Variants in HTR3B observed in about 807,000 individuals in gnomAD.
The protein encoded by HTR3B is 5-hydroxytryptamine (serotonin) receptor 3B, ionotropic.
Under a neutral mutation model 42.8 loss-of-function variants are expected in HTR3B, and 44 were observed. The ratio of observed to expected loss-of-function variants is 1.03; its 90% CI spans 0.81 to 1.32. HTR3B has a LOEUF of 1.32. HTR3B is among the 40% of genes most tolerant of loss of function. The pLI, the probability that HTR3B is intolerant of heterozygous loss-of-function variation, is 0.00. For missense variants in HTR3B, 527 were observed against 536.5 expected, an observed-to-expected ratio of 0.98 and a Z score of 0.17; for synonymous variants, 203 against 209.0, an observed-to-expected ratio of 0.97 and a Z score of 0.25.
intron 3 of HTR3B, 25 bp downstream of exon 3, chr11:113,931,453 A>G (rs1301740386): frequency 7.0e-7 from 1 of 1,422,178 alleles, no homozygotes. Flanking sequence ...TTTCTTCTAA[A>G]TATATTGCAC....
chr11:113,936,791 G>T (rs554476416), intron 6 of HTR3B, among the ~76,000 whole-genome samples: 1 of 152,282 alleles, frequency 6.6e-6, no homozygotes, highest in South Asian at 2.1e-4. Context: ...CGGAGTCTAG[G>T]CGTCAAAATT....
chr11:113,905,666 A>G (rs1257668347), intron 1 of HTR3B, among the ~76,000 whole-genome samples: 1 of 152,206 alleles, frequency 6.6e-6, no homozygotes, highest in Non-Finnish European at 1.5e-5. Context: ...TTAGGATACA[A>G]TTGATTCTTA....
At chr11:113,925,982 C>T (rs920123015) in intron 2 of HTR3B, among the ~76,000 whole-genome samples, 1 of 152,074 alleles carries the variant, frequency 6.6e-6, no homozygotes, top group Non-Finnish European at 1.5e-5. Flanking sequence ...ACATTTTTAT[C>T]ACCTCAAAAA....
intron 2 of HTR3B, among the ~76,000 whole-genome samples, chr11:113,914,293 C>T (rs1409219441): frequency 2.0e-5 from 3 of 151,342 alleles, no homozygotes; most frequent in Admixed American, 6.6e-5. Context: ...GGAGAAACCC[C>T]GTCTCTACTA....
At position 113,931,413 on chromosome 11, in the gene HTR3B, T is replaced by A. The variant is rs1426957498; in HGVS notation, c.243T>A (p.Ser81Arg). 2.5e-6 allele frequency: 4 copies of A among 1,599,198 alleles called. No homozygotes were observed. The highest frequency in any genetic ancestry group is 3.4e-6 in the Non-Finnish European group (4 of 1,170,852). ...VDAENQILKT[S>R]VWYQEVWNDE... ...CAGAGAATCAAATATTAAAGACAAG[T>A]GTATGGTACCAAGAGGTAAATAATT... The change falls in exon 3 of 9, where the codon AGT becomes AGA. Residue 81 changes from serine (S) to arginine (R), a missense_variant. Coordinates refer to ENST00000260191, the MANE Select transcript of HTR3B (RefSeq NM_006028.5).
intron 2 of HTR3B, among the ~76,000 whole-genome samples, chr11:113,927,552 A>G (rs1029129346): frequency 1.3e-5 from 2 of 151,634 alleles, no homozygotes; most frequent in Non-Finnish European, 2.9e-5. Context: ...GTTTTAGAGT[A>G]TATGTTTTTT....
rs898987546 is a variant in HTR3B, at chr11:113,909,539, T to C, written c.213+84T>C. Reference sequence around the variant, plus strand: ...TCATGCAGGAGCCTATGAGAGGTTATATTCTTGAGATTGTAGTTGAACTGG... The same window carrying C: ...TCATGCAGGAGCCTATGAGAGGTTACATTCTTGAGATTGTAGTTGAACTGG... On this transcript the variant is annotated intron_variant, in intron 2 of 8. Transcript: ENST00000260191. 66 of 1,124,644 alleles carry C rather than the reference T, an allele frequency of 5.9e-5. No homozygotes were observed. In the African/African-American group the frequency reaches 9.2e-4, roughly 16 times the overall value. 69.7% of individuals were successfully genotyped at this position (1,124,644 alleles called of 1,614,324 possible).
In HTR3B at chr11:113,942,510, G is replaced by A. The variant is rs1256949887; in HGVS notation, c.697-472G>A. ...TATTGCATAATAAGTGGTTTCAGAA[G>A]GAAGATTTTAGTTTCAAAACAGTTT... On this transcript the variant is annotated intron_variant, in intron 6 of 8. Coordinates refer to ENST00000260191, the MANE Select transcript of HTR3B (RefSeq NM_006028.5). Among the ~76,000 whole-genome samples, 4 of 152,294 alleles carry A rather than the reference G, an allele frequency of 2.6e-5. No homozygotes were observed. In the East Asian group the frequency reaches 7.7e-4, roughly 29 times the overall value.
chr11:113,932,157 G>T, intron 4 of HTR3B, 132 bp from the exon 5 acceptor site: 1 of 738,028 alleles, frequency 1.4e-6, no homozygotes. Context: ...TCATCTCATG[G>T]AAAATGCGAT....
intron 2 of HTR3B, among the ~76,000 whole-genome samples, chr11:113,919,463 C>G (rs1212843388): frequency 2.0e-5 from 3 of 152,132 alleles, no homozygotes; most frequent in Admixed American, 2.0e-4. Context: ...ACCAGTGAAT[C>G]AGAGTCTTTG....
chr11:113,946,969 C>CAG lies in HTR3B; in HGVS notation c.*835_*836dup, dbSNP rs1451580008. Reference sequence around the variant, plus strand: ...CATGGTCAACCTGGTACCAACCAACCAGAGCATAAAATTCCTGCCATATCC... The same window carrying CAG: ...CATGGTCAACCTGGTACCAACCAACCAGAGAGCATAAAATTCCTGCCATATCC... On this transcript the variant is annotated 3_prime_UTR_variant, in exon 9 of 9. Transcript: ENST00000260191. Among the ~76,000 whole-genome samples, 2 of 152,152 alleles carry CAG rather than the reference C, an allele frequency of 1.3e-5. No homozygotes were observed. The highest frequency in any genetic ancestry group is 4.8e-5 in the African/African-American group (2 of 41,434).
chr11:113,907,214 A>G (rs1303563715), intron 1 of HTR3B, among the ~76,000 whole-genome samples: 1 of 152,204 alleles, frequency 6.6e-6, no homozygotes, highest in Non-Finnish European at 1.5e-5. Flanking sequence ...TTTGAAGCTG[A>G]TTATTAGCAT....
At position 113,946,055 on chromosome 11, in the gene HTR3B, T is replaced by A; in HGVS notation, c.1244T>A (p.Leu415Gln). 1 of 1,614,094 alleles carries A rather than the reference T, an allele frequency of 6.2e-7. No homozygotes were observed. Among genetic ancestry groups the A allele is most frequent in the South Asian group, 1.1e-5 (1 of 91,080 alleles). Reference sequence around the variant, plus strand: ...GTCCTCCTGTCCCGCTTTGACCGACTGCTCTTCCAAAGCTACCTTTTCATG... The same window carrying A: ...GTCCTCCTGTCCCGCTTTGACCGACAGCTCTTCCAAAGCTACCTTTTCATG... Reference protein sequence around the residue: ...WLVLLSRFDRLLFQSYLFMLG... With the variant: ...WLVLLSRFDRQLFQSYLFMLG... The change falls in exon 9 of 9, where the codon CTG becomes CAG. Residue 415 changes from leucine (L) to glutamine (Q), a missense_variant. By Grantham distance (113) the Leu-to-Gln change is moderately radical. Coordinates refer to ENST00000260191, the MANE Select transcript of HTR3B (RefSeq NM_006028.5).
In HTR3B at chr11:113,948,413, C is replaced by T. The variant is rs1950194964; in HGVS notation, c.*2276C>T. ...TCAGAGTCAGGAGTCCTGATGATTA[C>T]GGTCCTGGCTCTGCCATTACCTAGC... On this transcript the variant is annotated 3_prime_UTR_variant, in exon 9 of 9. Coordinates refer to ENST00000260191, the MANE Select transcript of HTR3B (RefSeq NM_006028.5). Among the ~76,000 whole-genome samples the T allele has an allele frequency of 2.0e-5, 3 of 152,202 alleles. No homozygotes were observed. Among genetic ancestry groups the T allele is most frequent in the East Asian group, 1.9e-4 (1 of 5,200 alleles).
intron 8 of HTR3B, among the ~76,000 whole-genome samples, chr11:113,945,698 A>AG (rs1950171322): frequency 3.3e-5 from 5 of 152,302 alleles, no homozygotes; most frequent in African/African-American, 1.2e-4. Flanking sequence ...ACATAATAAC[A>AG]GCTCTGACGT....
At chr11:113,921,089 A>G (rs1489761472) in intron 2 of HTR3B, among the ~76,000 whole-genome samples, 1 of 151,894 alleles carries the variant, frequency 6.6e-6, no homozygotes, top group African/African-American at 2.4e-5. Context: ...GTGGGATTAC[A>G]GGCATAAGCC....
At chr11:113,910,844 T>C (rs1405132748) in intron 2 of HTR3B, among the ~76,000 whole-genome samples, 1 of 151,544 alleles carries the variant, frequency 6.6e-6, no homozygotes, top group Non-Finnish European at 1.5e-5. Context: ...TTTTTTTTTT[T>C]TTTGAGACAG....
chr11:113,917,501 T>C (rs185209394), intron 2 of HTR3B, among the ~76,000 whole-genome samples: 18 of 152,272 alleles, frequency 1.2e-4, no homozygotes, highest in Admixed American at 3.9e-4. Context: ...AAATCTCCAG[T>C]TATGATTGTT....
chr11:113,909,219 C>T, intron 1 of HTR3B, 76 bp from the exon 2 acceptor site: 1 of 1,156,052 alleles, frequency 8.7e-7, no homozygotes, highest in Admixed American at 1.7e-5. Context: ...GCCACCGAGT[C>T]CTGAACAGTC....
Sources: gnomAD v4.1 joint callset for allele counts (sites outside exome capture counted in the v4.1 genomes callset) on GRCh38, gnomAD v4.1.1 for gene constraint, MANE v1.5 for transcripts, NCBI Gene and HGNC (gene_info 2026-07-23, HGNC 2026-07-21) for gene names.